The following GLI3 variants were observed in gnomAD, a reference collection of about 807,000 sequenced individuals.
The protein encoded by GLI3 is transcription activator GLI3.
In GLI3, 20 loss-of-function variants were observed where a neutral mutation model predicts 100.8. That is an observed-to-expected ratio of 0.20 (90% confidence interval 0.14 to 0.29). The LOEUF (loss-of-function observed/expected upper bound fraction) is 0.29, where lower values mean the gene tolerates loss of function less well. GLI3 is among the 10% of genes least tolerant of loss of function. The pLI, the probability that GLI3 is intolerant of heterozygous loss-of-function variation, is 1.00. For missense variants in GLI3, 2,040 were observed against 2,128.5 expected (o/e 0.96, Z 0.82); for synonymous variants, 938 against 860.5 (o/e 1.09, Z -1.58).
intron 4 of GLI3, among the ~76,000 whole-genome samples, chr7:42,054,866 ACAGTCC>A (rs1446931545): frequency 6.6e-6 from 1 of 151,522 alleles, no homozygotes; most frequent in Non-Finnish European, 1.5e-5. Context: ...GCACACTCCT[ACAGTCC>A]CAGTCCCAGC....
intron 12 of GLI3, among the ~76,000 whole-genome samples, chr7:41,975,715 TTTAGGTCCA>T (rs1787489818): frequency 6.6e-6 from 1 of 152,174 alleles, no homozygotes; most frequent in Non-Finnish European, 1.5e-5. Context: ...GTACAAATAT[TTTAGGTCCA>T]TAAAAAGACA....
intron 2 of GLI3, among the ~76,000 whole-genome samples, chr7:42,170,750 T>C (rs1249562821): frequency 6.6e-6 from 1 of 152,142 alleles, no homozygotes; most frequent in Non-Finnish European, 1.5e-5. Context: ...TACAAGTTAA[T>C]GGTAAATAAA....
chr7:42,010,440 T>C (rs555832436), intron 10 of GLI3, among the ~76,000 whole-genome samples: 39 of 152,318 alleles, frequency 2.6e-4, no homozygotes, highest in African/African-American at 9.4e-4. Flanking sequence ...ACCACATCAA[T>C]AGACAGATGC....
chr7:41,987,910 C>T (rs1392593944), intron 10 of GLI3, among the ~76,000 whole-genome samples: 1 of 152,282 alleles, frequency 6.6e-6, no homozygotes, highest in South Asian at 2.1e-4. Context: ...GCACATGTCG[C>T]AGGCTCAAAC....
intron 10 of GLI3, among the ~76,000 whole-genome samples, chr7:41,984,493 C>T: frequency 6.6e-6 from 1 of 152,148 alleles, no homozygotes; most frequent in Non-Finnish European, 1.5e-5. Flanking sequence ...AATGCTACCA[C>T]AAGGCTCAAA....
intron 3 of GLI3, among the ~76,000 whole-genome samples, chr7:42,089,335 T>G (rs770890901): frequency 2.0e-5 from 3 of 152,242 alleles, no homozygotes; most frequent in Non-Finnish European, 2.9e-5. Flanking sequence ...CTTTGCTGTT[T>G]CCAACTGTTA....
chr7:42,061,010 A>G lies in GLI3; in HGVS notation c.474-12314T>C, dbSNP rs185396680. On this transcript the variant is annotated intron_variant, in intron 4 of 14. Transcript: ENST00000395925. ...CTCATGTTTGTATCATTTACATGGA[A>G]ATCTCAACAATTCAAGGTAAACAGC... Among the ~76,000 whole-genome samples the G allele has an allele frequency of 2.2e-4, 34 of 152,300 alleles. No individual in the cohort carries two copies. In the East Asian group the frequency reaches 4.6e-3, roughly 21 times the overall value.
chr7:42,205,383 A>G (rs1246896615), intron 2 of GLI3, among the ~76,000 whole-genome samples: 1 of 152,136 alleles, frequency 6.6e-6, no homozygotes, highest in Non-Finnish European at 1.5e-5. Context: ...CTTTTCCACC[A>G]CTATTAAGTA....
chr7:42,227,186 C>CG (rs1225616207), intron 1 of GLI3, among the ~76,000 whole-genome samples: 1 of 152,142 alleles, frequency 6.6e-6, no homozygotes, highest in Non-Finnish European at 1.5e-5. Flanking sequence ...TCCTTGCTTA[C>CG]GACTCCACAC....
Position 42,026,267 on chromosome 7 carries a change from G to C in GLI3, c.1174C>G (p.Pro392Ala). Residue 392 changes from proline (P) to alanine (A), a missense_variant, in exon 8 of 15, where the codon CCT becomes GCT. By Grantham distance (27) the Pro-to-Ala change is conservative (BLOSUM62 -1). Coordinates refer to ENST00000395925, the MANE Select transcript of GLI3 (RefSeq NM_000168.6). ...HPAPTFPTQR[P>A]IPGIPTVLNP... ...AGAACCGTAGGGATCCCTGGAATAG[G>C]CCTCTGTGTTGGAAAAGTTGGGGCA... 6.2e-7 allele frequency: 1 copy of C among 1,614,102 alleles called. No individual in the cohort carries two copies. Among genetic ancestry groups the C allele is most frequent in the Non-Finnish European group, 8.5e-7 (1 of 1,180,004 alleles).
chr7:42,150,291 C>T (rs1015331034), intron 2 of GLI3: 6 of 152,176 alleles, frequency 3.9e-5, no homozygotes, highest in African/African-American at 1.4e-4. Context: ...AAACAAACTA[C>T]AAAAGACAAA....
chr7:42,121,250 T>C (rs1051849545), intron 3 of GLI3, among the ~76,000 whole-genome samples: 6 of 152,208 alleles, frequency 3.9e-5, no homozygotes, highest in Admixed American at 6.5e-5. Context: ...CTAAAGAGCT[T>C]GTTAACACAG....
At chr7:42,042,013 CTTTTT>C (rs11324186) in intron 6 of GLI3, among the ~76,000 whole-genome samples, 2 of 116,354 alleles carry the variant, frequency 1.7e-5, no homozygotes, top group African/African-American at 3.8e-5. Flanking sequence ...CAACGATTTC[CTTTTT>C]TTTTTTTTTT....
At chr7:42,061,212 T>A (rs1784561739) in intron 4 of GLI3, among the ~76,000 whole-genome samples, 1 of 152,128 alleles carries the variant, frequency 6.6e-6, no homozygotes, top group African/African-American at 2.4e-5. Context: ...AGGATATTTA[T>A]AACAAAGACA....
At chr7:42,181,412 G>A (rs929107548) in intron 2 of GLI3, among the ~76,000 whole-genome samples, 1 of 151,856 alleles carries the variant, frequency 6.6e-6, no homozygotes, top group African/African-American at 2.4e-5. Flanking sequence ...ACCAGCTTGG[G>A]CAACATGATG....
chr7:42,067,296 T>C (rs1784695507), intron 4 of GLI3, among the ~76,000 whole-genome samples: 1 of 152,206 alleles, frequency 6.6e-6, no homozygotes, highest in Non-Finnish European at 1.5e-5. Context: ...GGGATTTTGC[T>C]CTGTGGGGGA....
chr7:42,010,355 G>A (rs1048944924), intron 10 of GLI3, among the ~76,000 whole-genome samples: 3 of 152,206 alleles, frequency 2.0e-5, no homozygotes, highest in Non-Finnish European at 2.9e-5. Context: ...GAGCTTGGAG[G>A]TTCAAGTTAA....
chr7:42,262,081 T>C (rs1399686308), intron 1 of GLI3, among the ~76,000 whole-genome samples: 1 of 151,704 alleles, frequency 6.6e-6, no homozygotes, highest in Non-Finnish European at 1.5e-5. Flanking sequence ...TCTTTCTTTC[T>C]TTTTCTCACT....
chr7:42,054,807 G>A (rs1784418906), intron 4 of GLI3, among the ~76,000 whole-genome samples: 2 of 151,710 alleles, frequency 1.3e-5, no homozygotes, highest in African/African-American at 4.8e-5. Context: ...AACATGGGGA[G>A]ACCTCATCTC....
Sources: gnomAD v4.1 joint callset for allele counts (sites outside exome capture counted in the v4.1 genomes callset) on GRCh38, gnomAD v4.1.1 for gene constraint, MANE v1.5 for transcripts, NCBI Gene and HGNC (gene_info 2026-07-23, HGNC 2026-07-21) for gene names.